SNAP47: variants seen among roughly 807,000 people sequenced by gnomAD.
The protein encoded by SNAP47 is synaptosomal-associated protein 47.
A neutral mutation model predicts 31.4 loss-of-function variants in SNAP47; 20 were observed. That is an observed-to-expected ratio of 0.64 (90% CI 0.45 to 0.93). The LOEUF is 0.93. Ranked by LOEUF, SNAP47 falls within the 40% of genes least tolerant of loss-of-function variation. SNAP47 has a pLI of 0.00. For missense variants in SNAP47, 492 were observed against 528.5 expected (o/e 0.93, Z 0.68); for synonymous variants, 194 against 213.4 (o/e 0.91, Z 0.79).
At chr1:227,759,567 A>G in intron 3 of SNAP47, 82 bp downstream of exon 3, 1 of 1,534,246 alleles carries the variant, frequency 6.5e-7, no homozygotes. Context: ...GGAAATGCCT[A>G]ACAGATGCGT....
At chr1:227,737,548 C>T (rs777717688) in intron 1 of SNAP47, among the ~76,000 whole-genome samples, 8 of 152,168 alleles carry the variant, frequency 5.3e-5, no homozygotes, top group Non-Finnish European at 1.0e-4. Context: ...ACCTGCCTTC[C>T]CTTTATGAAG....
chr1:227,757,311 T>A (rs1297473569), intron 2 of SNAP47, among the ~76,000 whole-genome samples: 1 of 152,218 alleles, frequency 6.6e-6, no homozygotes, highest in Non-Finnish European at 1.5e-5. Context: ...AGTGTGGCTC[T>A]TGGCAACTAA....
Position 227,751,701 on chromosome 1 carries a change from G to A in SNAP47, c.497+3468G>A, listed in dbSNP as rs77705092. 4.6e-3 allele frequency among the ~76,000 whole-genome samples: 608 copies of A among 131,220 alleles called. 7 individuals carry two copies. Among genetic ancestry groups the A allele is most frequent in the African/African-American group, 0.016 (579 of 36,378 alleles). The allele number at this position is 131,220 out of a possible 152,430, so 86.1% of individuals were successfully genotyped here. On this transcript the variant is annotated intron_variant, in intron 2 of 4. Coordinates refer to ENST00000617596, the MANE Select transcript of SNAP47 (RefSeq NM_053052.4). ...ACACAGGATTTTGAAAAGCAGGTCA[G>A]AAAAACAATGCGAAGGAATGGGGCC... is the stretch of plus-strand genomic sequence containing the variant.
At chr1:227,750,941 C>T (rs565570693) in intron 2 of SNAP47, among the ~76,000 whole-genome samples, 241 of 152,252 alleles carry the variant, frequency 1.6e-3, no homozygotes, top group African/African-American at 5.3e-3. Flanking sequence ...CCAAGGCACA[C>T]GATTATCCAT....
At chr1:227,737,614 A>T (rs1282324104) in intron 1 of SNAP47, among the ~76,000 whole-genome samples, 4 of 152,144 alleles carry the variant, frequency 2.6e-5, no homozygotes, top group Non-Finnish European at 5.9e-5. Flanking sequence ...AGGTTCTAGG[A>T]GTGCTGGGGC....
At position 227,780,690 on chromosome 1, in the gene SNAP47, C is replaced by T; in HGVS notation, c.*17C>T. On this transcript the variant is annotated 3_prime_UTR_variant, in exon 5 of 5. Transcript: ENST00000617596. ...CTGACCTAGGGGCAGAACGTCCCTG[C>T]ATTCCTGTCTCACCCTGCACATCCC... 6.2e-7 allele frequency: 1 copy of T among 1,613,776 alleles called. No individual in the cohort carries two copies. The highest frequency in any genetic ancestry group is 8.5e-7 in the Non-Finnish European group (1 of 1,179,840).
chr1:227,739,723 C>T (rs1025781743), intron 1 of SNAP47, among the ~76,000 whole-genome samples: 1 of 152,180 alleles, frequency 6.6e-6, no homozygotes, highest in Non-Finnish European at 1.5e-5. Context: ...GATCGCCCTG[C>T]GTGCTGAGCC....
intron 1 of SNAP47, among the ~76,000 whole-genome samples, chr1:227,744,754 T>C (rs1440683867): frequency 6.6e-6 from 1 of 152,226 alleles, no homozygotes; most frequent in Non-Finnish European, 1.5e-5. Flanking sequence ...TAGGCGCTCC[T>C]GCCTGCCAGG....
chr1:227,744,559 C>T (rs1202269600), intron 1 of SNAP47, among the ~76,000 whole-genome samples: 7 of 151,720 alleles, frequency 4.6e-5, no homozygotes, highest in Non-Finnish European at 1.0e-4. Context: ...TCCTCTCTTC[C>T]CCTTCTCCCT....
chr1:227,753,052 A>T (rs1662477049), intron 2 of SNAP47, among the ~76,000 whole-genome samples: 1 of 152,198 alleles, frequency 6.6e-6, no homozygotes, highest in Non-Finnish European at 1.5e-5. Context: ...CATTTTTAAT[A>T]ATCTGCAGAC....
rs139449323 is a variant in SNAP47 at position 227,760,080 on chromosome 1, C to G, written c.988+595C>G. 2.3e-3 allele frequency among the ~76,000 whole-genome samples: 350 copies of G among 152,326 alleles called. 3 individuals carry two copies. Among genetic ancestry groups the G allele is most frequent in the South Asian group, 9.9e-3 (48 of 4,828 alleles). On this transcript the variant is annotated intron_variant, in intron 3 of 4. Transcript: ENST00000617596. Reference sequence around the variant, plus strand: ...CCCAGCCCACAGAACTGTCAGTTGACTAAAGGTCTGTTCTTCGTAAATTAC... The same window carrying G: ...CCCAGCCCACAGAACTGTCAGTTGAGTAAAGGTCTGTTCTTCGTAAATTAC...
At chr1:227,754,956 A>G (rs1662603720) in intron 2 of SNAP47, among the ~76,000 whole-genome samples, 1 of 152,184 alleles carries the variant, frequency 6.6e-6, no homozygotes. Flanking sequence ...TAAGCACCCC[A>G]GCCAACTGAA....
intron 2 of SNAP47, among the ~76,000 whole-genome samples, chr1:227,749,328 C>A (rs1662189792): frequency 6.6e-6 from 1 of 152,130 alleles, no homozygotes; most frequent in Non-Finnish European, 1.5e-5. Flanking sequence ...GGGCTGCTTT[C>A]TGGCTCAGGT....
intron 1 of SNAP47, among the ~76,000 whole-genome samples, chr1:227,739,852 C>T (rs1661472879): frequency 6.6e-6 from 1 of 152,184 alleles, no homozygotes; most frequent in Non-Finnish European, 1.5e-5. Flanking sequence ...TCAGGGTCAG[C>T]GCGGGTCCCC....
At chr1:227,767,650 T>G (rs1189180985) in intron 4 of SNAP47, among the ~76,000 whole-genome samples, 2 of 151,690 alleles carry the variant, frequency 1.3e-5, no homozygotes, top group Admixed American at 6.6e-5. Context: ...ATGTGTACCT[T>G]GTGTGTACTG....
chr1:227,734,352 T>TAAA (rs56684758), upstream of SNAP47: 665 of 77,612 alleles, frequency 8.6e-3, 13 homozygotes, highest in African/African-American at 0.042. Context: ...CTAGTCTCTT[T>TAAA]AAAAAAAAAA....
chr1:227,734,014 G>C, upstream of SNAP47: 2 of 1,613,478 alleles, frequency 1.2e-6, no homozygotes, highest in Admixed American at 1.7e-5. Flanking sequence ...GGGTGAAAAC[G>C]TCCTCCACCG....
upstream of SNAP47, chr1:227,734,911 C>T (rs772776803): frequency 3.1e-4 from 480 of 1,528,058 alleles, 1 homozygote; most frequent in Middle Eastern, 4.5e-3. Flanking sequence ...CGCGCCTGGC[C>T]TCCCTCACCC....
chr1:227,755,378 TC>T (rs1662632998), intron 2 of SNAP47, among the ~76,000 whole-genome samples: 1 of 147,420 alleles, frequency 6.8e-6, no homozygotes, highest in African/African-American at 2.7e-5. Context: ...AGTTTTGTTT[TC>T]TTTTTTTTCT....
Sources: gnomAD v4.1 joint callset for allele counts (sites outside exome capture counted in the v4.1 genomes callset) on GRCh38, gnomAD v4.1.1 for gene constraint, MANE v1.5 for transcripts, NCBI Gene and HGNC (gene_info 2026-07-23, HGNC 2026-07-21) for gene names.